The following AGPAT1 variants were observed in gnomAD, a reference collection of about 807,000 sequenced individuals.
The protein encoded by AGPAT1 is 1-acylglycerol-3-phosphate O-acyltransferase 1, also known as 1-acyl-sn-glycerol-3-phosphate acyltransferase alpha.
A neutral mutation model predicts 31.2 loss-of-function variants in AGPAT1; 6 were observed. That is an observed-to-expected ratio of 0.19 (90% CI 0.11 to 0.38). The LOEUF (loss-of-function observed/expected upper bound fraction) is 0.38. Ranked by LOEUF, AGPAT1 falls within the 10% of genes least tolerant of loss-of-function variation. The pLI is 1.00. For missense variants in AGPAT1, 187 were observed against 377.8 expected (o/e 0.49, Z 4.19); for synonymous variants, 139 against 154.0 (o/e 0.90, Z 0.72).
rs1785479373 is a variant in AGPAT1 at position 32,175,696 on chromosome 6, T to A, written c.-10+118A>T. 2.2e-6 allele frequency: 1 copy of A among 454,048 alleles called. No homozygotes were observed. Among genetic ancestry groups the A allele is most frequent in the Non-Finnish European group, 2.9e-6 (1 of 344,132 alleles). 28.1% of individuals were successfully genotyped at this position (454,048 alleles called of 1,614,324 possible). On this transcript the variant is annotated intron_variant, in intron 1 of 6. Transcript: ENST00000375107. This position sits in a 1 kb window ranked among gnomAD's most constrained non-coding sequence, Gnocchi z 4.5. Reference sequence around the variant, plus strand: ...CCTCTTCCCAGTCGGCCCCTCTCCTTTCCCCAGCAACCCTCTCCCCCAGTC... The same window carrying A: ...CCTCTTCCCAGTCGGCCCCTCTCCTATCCCCAGCAACCCTCTCCCCCAGTC...
Position 32,172,816 on chromosome 6 carries a change from C to A in AGPAT1, c.-9-1311G>T, listed in dbSNP as rs1785222308. 1 of 152,192 alleles carries A rather than the reference C, an allele frequency of 6.6e-6. No homozygotes were observed. The highest frequency in any genetic ancestry group is 2.4e-5 in the African/African-American group (1 of 41,438). The allele number at this position is 152,192 out of a possible 1,614,324, so 9.4% of individuals were successfully genotyped here. The stretch of plus-strand genomic sequence containing the variant: ...ACAGTCATACAAAGACTAACATGTT[C>A]ACACATAGACACAAATTTATAATTA... On this transcript the variant is annotated intron_variant, in intron 1 of 6. Transcript: ENST00000375107. This position sits in a 1 kb window ranked among gnomAD's most constrained non-coding sequence, Gnocchi z 4.3.
At chr6:32,177,179 C>T (rs1355511844), upstream of AGPAT1, 1 of 398,340 alleles carries the variant, frequency 2.5e-6, no homozygotes. Context: ...ACACCTTTAC[C>T]CTGCATTAGT....
At position 32,170,575 on chromosome 6, in the gene AGPAT1, G is replaced by A; in HGVS notation, c.360C>T (p.Arg120=). ...LLGMMEVLPG[R]CVPIAKRELL... ...GCTCGCGCTTGGCAATGGGCACACA[G>A]CGGCCTGGCAGTACCTCCATCATCC... Residue 120 remains arginine, a synonymous_variant, in exon 4 of 7, where the codon CGC becomes CGT. Transcript: ENST00000375107. This position sits in a 1 kb window ranked among gnomAD's most constrained non-coding sequence, Gnocchi z 7.7. 2 of 1,612,444 alleles carry A rather than the reference G, an allele frequency of 1.2e-6. No homozygotes were observed. Among genetic ancestry groups the A allele is most frequent in the African/African-American group, 1.3e-5 (1 of 75,052 alleles).
chr6:32,169,173 G>C lies in AGPAT1; in HGVS notation c.*103C>G. The C allele has an allele frequency of 8.1e-7, 1 of 1,231,116 alleles. No individual in the cohort carries two copies. Among genetic ancestry groups the C allele is most frequent in the Non-Finnish European group, 1.2e-6 (1 of 866,244 alleles). 76.3% of individuals were successfully genotyped at this position (1,231,116 alleles called of 1,614,324 possible). A position where few individuals can be genotyped will look rare whatever the true frequency, so the allele number is the denominator to read the frequency against. ...CCAAAGAGGAGAATAAGTGGGGAGA[G>C]GGGAGACAAGGAAGAGGGTTTGGCC... is the stretch of plus-strand genomic sequence containing the variant. On this transcript the variant is annotated 3_prime_UTR_variant, in exon 7 of 7. Transcript: ENST00000375107. The surrounding 1 kb of genome is among the most constrained non-coding windows in gnomAD (Gnocchi z 5.9).
rs762102473 is a variant in AGPAT1, at chr6:32,170,834, C to A, written c.334+103G>T. On this transcript the variant is annotated intron_variant, in intron 3 of 6. Coordinates refer to ENST00000375107, the MANE Select transcript of AGPAT1 (RefSeq NM_006411.4). The surrounding 1 kb of genome is among the most constrained non-coding windows in gnomAD (Gnocchi z 7.7). ...GAGTGGGAGGCAAGGGGGCAATGTC[C>A]CAGAGGAAGGGGAATTGAGGATCTC... 2.9e-5 allele frequency: 43 copies of A among 1,466,840 alleles called. No homozygotes were observed. Among genetic ancestry groups the A allele is most frequent in the Non-Finnish European group, 4.0e-5 (43 of 1,071,414 alleles). 90.9% of individuals were successfully genotyped at this position (1,466,840 alleles called of 1,614,324 possible).
rs1377693409 is a variant in AGPAT1, at chr6:32,174,674, C to A, written c.-10+1140G>T. Among the ~76,000 whole-genome samples the A allele has an allele frequency of 6.6e-6, 1 of 152,104 alleles. No homozygotes were observed. Among genetic ancestry groups the A allele is most frequent in the Non-Finnish European group, 1.5e-5 (1 of 68,020 alleles). ...GAGAGGTATGGGCCAGGGAGGTCAC[C>A]AAGGTAAGGCATGCAGGGATGGTTC... On this transcript the variant is annotated intron_variant, in intron 1 of 6. Transcript: ENST00000375107. The surrounding 1 kb of genome is among the most constrained non-coding windows in gnomAD (Gnocchi z 4.5).
At chr6:32,177,168 C>A, upstream of AGPAT1, 1 of 398,560 alleles carries the variant, frequency 2.5e-6, no homozygotes, top group South Asian at 1.3e-4. Context: ...CCCCTCTAGC[C>A]ACACCTTTAC....
chr6:32,170,700 G>A lies in AGPAT1; in HGVS notation c.335-100C>T. The A allele has an allele frequency of 6.8e-7, 1 of 1,462,070 alleles. No homozygotes were observed. Among genetic ancestry groups the A allele is most frequent in the Admixed American group, 1.8e-5 (1 of 56,858 alleles). The allele number at this position is 1,462,070 out of a possible 1,614,324, so 90.6% of individuals were successfully genotyped here. A position where few individuals can be genotyped will look rare whatever the true frequency, so the allele number is the denominator to read the frequency against. On this transcript the variant is annotated intron_variant, in intron 3 of 6. Transcript: ENST00000375107. This position sits in a 1 kb window ranked among gnomAD's most constrained non-coding sequence, Gnocchi z 7.7. Reference sequence around the variant, plus strand: ...TCATCACCCTCTGGTAGGGACTGGAGGTGAAGGAGGAGACTAGGCAGGGAG... The same window carrying A: ...TCATCACCCTCTGGTAGGGACTGGAAGTGAAGGAGGAGACTAGGCAGGGAG...
In AGPAT1 at chr6:32,169,203, T is replaced by G; in HGVS notation, c.*73A>C. On this transcript the variant is annotated 3_prime_UTR_variant, in exon 7 of 7. Coordinates refer to ENST00000375107, the MANE Select transcript of AGPAT1 (RefSeq NM_006411.4). The surrounding 1 kb of genome is among the most constrained non-coding windows in gnomAD (Gnocchi z 5.9). ...GACAAGGAAGAGGGTTTGGCCCTGC[T>G]TCAGGGCCCACTGGGTGGGTAGGTG... 1 of 1,522,912 alleles carries G rather than the reference T, an allele frequency of 6.6e-7. No homozygotes were observed. Among genetic ancestry groups the G allele is most frequent in the South Asian group, 1.2e-5 (1 of 84,340 alleles). The allele number at this position is 1,522,912 out of a possible 1,614,324, so 94.3% of individuals were successfully genotyped here.
In AGPAT1 at chr6:32,170,137, G is replaced by A. The variant is rs774269294; in HGVS notation, c.606+28C>T. 4 of 1,613,152 alleles carry A rather than the reference G, an allele frequency of 2.5e-6. 1 individual carries two copies. Among genetic ancestry groups the A allele is most frequent in the South Asian group, 2.2e-5 (2 of 91,058 alleles). ...GAGGGAATGGTGGGGGTTGGCAGCT[G>A]AGTAGCAGAACGAAGAGCAGTAGTC... On this transcript the variant is annotated intron_variant, in intron 5 of 6. Coordinates refer to ENST00000375107, the MANE Select transcript of AGPAT1 (RefSeq NM_006411.4). This position sits in a 1 kb window ranked among gnomAD's most constrained non-coding sequence, Gnocchi z 7.7.
upstream of AGPAT1, chr6:32,177,209 G>A (rs1785644596): frequency 2.5e-6 from 1 of 397,888 alleles, no homozygotes; most frequent in Non-Finnish European, 4.4e-6. Flanking sequence ...CTCGGGAAGA[G>A]GATTGGTAGT....
In AGPAT1 at chr6:32,168,348, G is replaced by A. The variant is rs760795408; in HGVS notation, c.*928C>T. On this transcript the variant is annotated 3_prime_UTR_variant, in exon 7 of 7. Coordinates refer to ENST00000375107, the MANE Select transcript of AGPAT1 (RefSeq NM_006411.4). This position sits in a 1 kb window ranked among gnomAD's most constrained non-coding sequence, Gnocchi z 4.5. ...AGTTGTGGGAACAGGTCTGGAGTGA[G>A]AGGCAGGGAGTGGCTAATGCCACCA... 3.8e-4 allele frequency: 77 copies of A among 200,222 alleles called. 1 individual carries two copies. The highest frequency in any genetic ancestry group is 4.0e-4 in the Non-Finnish European group (40 of 99,806). The allele number at this position is 200,222 out of a possible 1,614,324, so 12.4% of individuals were successfully genotyped here.
chr6:32,175,288 G>A lies in AGPAT1; in HGVS notation c.-10+526C>T, dbSNP rs1785436811. Among the ~76,000 whole-genome samples, 1 of 152,154 alleles carries A rather than the reference G, an allele frequency of 6.6e-6. No homozygotes were observed. Among genetic ancestry groups the A allele is most frequent in the Non-Finnish European group, 1.5e-5 (1 of 68,038 alleles). On this transcript the variant is annotated intron_variant, in intron 1 of 6. Coordinates refer to ENST00000375107, the MANE Select transcript of AGPAT1 (RefSeq NM_006411.4). The surrounding 1 kb of genome is among the most constrained non-coding windows in gnomAD (Gnocchi z 4.5). Reference sequence around the variant, plus strand: ...TGGATAGCATTGGGACAACCTAGTTGCACACAAGCCATTAAACATGTCAAA... The same window carrying A: ...TGGATAGCATTGGGACAACCTAGTTACACACAAGCCATTAAACATGTCAAA...
At position 32,176,071 on chromosome 6, in the gene AGPAT1, CT is replaced by C; in HGVS notation, c.-268del. The C allele has an allele frequency of 1.1e-6, 1 of 901,610 alleles. No homozygotes were observed. Among genetic ancestry groups the C allele is most frequent in the Non-Finnish European group, 1.3e-6 (1 of 758,138 alleles). 55.9% of individuals were successfully genotyped at this position (901,610 alleles called of 1,614,324 possible). ...TCTGCTGTCTCTCTGAGGGCTGGGG[CT>C]GCTGCCGCCGCTATTCCCCCGCCAC... On this transcript the variant is annotated 5_prime_UTR_variant, in exon 1 of 7. Transcript: ENST00000375107.
Position 32,170,312 on chromosome 6 carries a change from T to G in AGPAT1, c.511-52A>C. ...ACAAATACATATGGAGGAGTCAGAA[T>G]AGGTGTGATGTTATAATGGGACCTT... On this transcript the variant is annotated intron_variant, in intron 4 of 6. Transcript: ENST00000375107. This position sits in a 1 kb window ranked among gnomAD's most constrained non-coding sequence, Gnocchi z 7.7. 1.2e-6 allele frequency: 2 copies of G among 1,605,672 alleles called. No homozygotes were observed. The highest frequency in any genetic ancestry group is 1.7e-6 in the Non-Finnish European group (2 of 1,174,292).
In AGPAT1 at chr6:32,172,530, T is replaced by C. The variant is rs1439526523; in HGVS notation, c.-9-1025A>G. 6.6e-6 allele frequency among the ~76,000 whole-genome samples: 1 copy of C among 152,184 alleles called. No individual in the cohort carries two copies. The highest frequency in any genetic ancestry group is 1.5e-5 in the Non-Finnish European group (1 of 68,032). On this transcript the variant is annotated intron_variant, in intron 1 of 6. Transcript: ENST00000375107. This position sits in a 1 kb window ranked among gnomAD's most constrained non-coding sequence, Gnocchi z 4.3. ...GATAGTCTAGAAAGTACTATTACTA[T>C]TTACATTTTATAGGAAATAGGCCCA...
At chr6:32,176,645 C>A (rs917488543), upstream of AGPAT1, 3 of 323,660 alleles carry the variant, frequency 9.3e-6, no homozygotes, top group Non-Finnish European at 1.4e-5. Context: ...CCAGCTCCCC[C>A]CTCCACCTGC....
At chr6:32,176,830 T>C (rs1277541647), upstream of AGPAT1, 1 of 394,080 alleles carries the variant, frequency 2.5e-6, no homozygotes, top group African/African-American at 2.1e-5. Flanking sequence ...CATCTTTTCT[T>C]CCAATGGAAA....
chr6:32,176,907 G>A (rs1050981521), upstream of AGPAT1: 2 of 397,738 alleles, frequency 5.0e-6, no homozygotes, highest in Non-Finnish European at 8.9e-6. Flanking sequence ...TCTGGAATGC[G>A]CGTGCCTCCT....
Sources: gnomAD v4.1 joint callset for allele counts (sites outside exome capture counted in the v4.1 genomes callset) on GRCh38, gnomAD v4.1.1 for gene constraint, Gnocchi (gnomAD v3.1) non-coding constraint, MANE v1.5 for transcripts, NCBI Gene and HGNC (gene_info 2026-07-23, HGNC 2026-07-21) for gene names.